Variants in DCDC1 observed in about 807,000 individuals in gnomAD.
DCDC1 encodes doublecortin domain containing 1.
DCDC1 carries 200 observed loss-of-function variants against 178.3 expected under a neutral mutation model. That is an observed-to-expected ratio of 1.12 (90% CI 1.00 to 1.26). DCDC1 has a LOEUF of 1.26. Ranked by LOEUF, DCDC1 falls within the 50% of genes most tolerant of loss-of-function variation. The probability of loss-of-function intolerance (pLI) is 0.00; values close to 1 mark genes in which losing one functional copy is unlikely to be tolerated. For synonymous variants in DCDC1, 690 were observed against 604.8 expected (o/e 1.14, Z -2.07); for missense variants, 1,983 against 1,749.2 (o/e 1.13, Z -2.38).
intron 9 of DCDC1, among the ~76,000 whole-genome samples, chr11:31,190,460 T>G (rs531979005): frequency 1.3e-5 from 2 of 152,312 alleles, no homozygotes; most frequent in Admixed American, 6.5e-5. Flanking sequence ...GAATAATATT[T>G]AAATATTTAC....
rs551586166 is a variant in DCDC1, at chr11:30,915,156, A to T, written c.3653+355T>A. On this transcript the variant is annotated intron_variant, in intron 27 of 38. Coordinates refer to ENST00000684477, the MANE Select transcript of DCDC1 (RefSeq NM_001387274.1). Reference sequence around the variant, plus strand: ...GTAAGTTAATGAAAAGTATCAAAAAATTTGAAAATTGGGGACGTTTTAGAA... The same window carrying T: ...GTAAGTTAATGAAAAGTATCAAAAATTTTGAAAATTGGGGACGTTTTAGAA... Among the ~76,000 whole-genome samples the T allele has an allele frequency of 1.4e-3, 213 of 152,330 alleles. 3 individuals are homozygous for T. The highest frequency in any genetic ancestry group is 2.1e-3 in the Non-Finnish European group (144 of 68,038).
intron 1 of DCDC1, among the ~76,000 whole-genome samples, chr11:31,353,410 C>T (rs1384110262): frequency 6.6e-6 from 1 of 152,132 alleles, no homozygotes; most frequent in East Asian, 1.9e-4. Context: ...GATAAATTAT[C>T]TGTTAATTTT....
At chr11:31,124,231 G>C (rs749760463) in intron 11 of DCDC1, among the ~76,000 whole-genome samples, 4 of 151,924 alleles carry the variant, frequency 2.6e-5, no homozygotes, top group Non-Finnish European at 5.9e-5. Flanking sequence ...TAACATAAAG[G>C]GATGTTGAAT....
At chr11:30,908,925 T>C in intron 29 of DCDC1, 21 bp downstream of exon 29, 2 of 1,559,898 alleles carry the variant, frequency 1.3e-6, no homozygotes, top group Non-Finnish European at 1.7e-6. Flanking sequence ...CTTTTATCTT[T>C]GAGAGGAAGG....
chr11:31,091,361 T>C (rs1292778184), intron 17 of DCDC1, 32 bp downstream of exon 17: 1 of 703,020 alleles, frequency 1.4e-6, no homozygotes, highest in Non-Finnish European at 2.6e-6. Flanking sequence ...TTAGCATTTA[T>C]TATCTTGAGC....
chr11:31,135,020 A>G (rs914193012), intron 10 of DCDC1, among the ~76,000 whole-genome samples: 2 of 152,172 alleles, frequency 1.3e-5, no homozygotes, highest in Non-Finnish European at 2.9e-5. Context: ...TTTTAAAAAA[A>G]TTTTAAAAAA....
At chr11:31,307,978 A>G in intron 3 of DCDC1, 70 bp from the exon 4 acceptor site, 1 of 1,579,852 alleles carries the variant, frequency 6.3e-7, no homozygotes, top group Non-Finnish European at 8.6e-7. Context: ...ATACCATATA[A>G]TAACGAGTTG....
At chr11:30,932,056 A>G in intron 21 of DCDC1, 104 bp from the exon 22 acceptor site, 2 of 1,127,654 alleles carry the variant, frequency 1.8e-6, no homozygotes, top group Non-Finnish European at 2.3e-6. Context: ...TCTCTCATTC[A>G]TTCAACAAAA....
chr11:31,183,544 T>G (rs1017744516), intron 9 of DCDC1, among the ~76,000 whole-genome samples: 1 of 152,228 alleles, frequency 6.6e-6, no homozygotes, highest in African/African-American at 2.4e-5. Flanking sequence ...CCCCATTGTT[T>G]CAGCCCAAAA....
intron 20 of DCDC1, among the ~76,000 whole-genome samples, chr11:31,026,218 A>G (rs1425026729): frequency 1.3e-5 from 2 of 151,774 alleles, no homozygotes; most frequent in Non-Finnish European, 3.0e-5. Context: ...ACTTGCAGAA[A>G]GGCCATAAAT....
At chr11:31,070,556 T>A (rs925850289) in intron 18 of DCDC1, among the ~76,000 whole-genome samples, 2 of 152,196 alleles carry the variant, frequency 1.3e-5, no homozygotes, top group Non-Finnish European at 2.9e-5. Flanking sequence ...TACAGTCCTA[T>A]CCTGGTTTTA....
At chr11:31,187,816 C>G (rs1392083351) in intron 9 of DCDC1, among the ~76,000 whole-genome samples, 1 of 152,164 alleles carries the variant, frequency 6.6e-6, no homozygotes, top group African/African-American at 2.4e-5. Context: ...TCATTCATCA[C>G]TAACACAAAG....
intron 1 of DCDC1, among the ~76,000 whole-genome samples, chr11:31,363,260 CACA>C (rs1951797761): frequency 6.6e-6 from 1 of 152,040 alleles, no homozygotes; most frequent in African/African-American, 2.4e-5. Flanking sequence ...TAAGTGAGCA[CACA>C]ACATTTTATA....
intron 20 of DCDC1, among the ~76,000 whole-genome samples, chr11:31,061,503 C>T (rs1420477610): frequency 6.6e-6 from 1 of 151,744 alleles, no homozygotes; most frequent in African/African-American, 2.4e-5. Flanking sequence ...ATTACATCTA[C>T]TGTAGTAAAT....
intron 20 of DCDC1, among the ~76,000 whole-genome samples, chr11:31,038,863 G>GA (rs201571433): frequency 3.6e-4 from 52 of 143,962 alleles, no homozygotes; most frequent in African/African-American, 9.4e-4. Context: ...ATCTTTTGAT[G>GA]AAAAAAAAAA....
In DCDC1 at chr11:31,191,991, T is replaced by C. The variant is rs182563936; in HGVS notation, c.1221+49459A>G. Among the ~76,000 whole-genome samples the C allele has an allele frequency of 2.6e-3, 395 of 152,200 alleles. 2 individuals are homozygous for C. The highest frequency in any genetic ancestry group is 8.6e-3 in the African/African-American group (356 of 41,548). ...ACATGGTAGGACCTCAGTAAGCAGATAGGCTTCCCTACTTGGATAAATGGC... is the reference window on the plus strand; with the variant it reads ...ACATGGTAGGACCTCAGTAAGCAGACAGGCTTCCCTACTTGGATAAATGGC... On this transcript the variant is annotated intron_variant, in intron 9 of 38. Coordinates refer to ENST00000684477, the MANE Select transcript of DCDC1 (RefSeq NM_001387274.1).
chr11:31,187,418 G>A (rs1969634688), intron 9 of DCDC1, among the ~76,000 whole-genome samples: 1 of 152,118 alleles, frequency 6.6e-6, no homozygotes, highest in Non-Finnish European at 1.5e-5. Flanking sequence ...GCACTGGCAA[G>A]ATCAATGACA....
intron 1 of DCDC1, among the ~76,000 whole-genome samples, chr11:31,362,695 C>T (rs1374669994): frequency 6.6e-6 from 1 of 152,060 alleles, no homozygotes; most frequent in South Asian, 2.1e-4. Context: ...GGTGCTTCTA[C>T]AGTAGATTAA....
At chr11:31,052,431 T>C (rs560615687) in intron 20 of DCDC1, among the ~76,000 whole-genome samples, 30 of 152,134 alleles carry the variant, frequency 2.0e-4, no homozygotes, top group African/African-American at 6.7e-4. Context: ...CACTGACAGC[T>C]CTAGACAGGT....
Sources: gnomAD v4.1 joint callset for allele counts (sites outside exome capture counted in the v4.1 genomes callset) on GRCh38, gnomAD v4.1.1 for gene constraint, MANE v1.5 for transcripts, NCBI Gene and HGNC (gene_info 2026-07-23, HGNC 2026-07-21) for gene names.